The following PRKN variants were observed in gnomAD, a reference collection of about 807,000 sequenced individuals.
PRKN encodes the protein E3 ubiquitin-protein ligase parkin.
Under a neutral mutation model 59.5 loss-of-function variants are expected in PRKN, and 56 were observed. The ratio of observed to expected loss-of-function variants is 0.94; its 90% CI spans 0.76 to 1.18. The LOEUF (loss-of-function observed/expected upper bound fraction) is 1.18. PRKN is among the 50% of genes most tolerant of loss of function. The probability of loss-of-function intolerance (pLI) is 0.00; values close to 1 mark genes in which losing one functional copy is unlikely to be tolerated. For synonymous variants in PRKN, 250 were observed against 222.1 expected (o/e 1.13, Z -1.12); for missense variants, 657 against 596.4 (o/e 1.10, Z -1.06).
chr6:162,559,716 G>A (rs900408785), intron 1 of PRKN, among the ~76,000 whole-genome samples: 2 of 152,160 alleles, frequency 1.3e-5, no homozygotes, highest in Non-Finnish European at 1.5e-5. Flanking sequence ...CTATACATTA[G>A]TAATTACTTT....
intron 2 of PRKN, among the ~76,000 whole-genome samples, chr6:162,388,472 C>T (rs1221326520): frequency 6.6e-6 from 1 of 152,190 alleles, no homozygotes; most frequent in Non-Finnish European, 1.5e-5. Flanking sequence ...ACTACTTCCT[C>T]ACTTAGCACA....
intron 1 of PRKN, among the ~76,000 whole-genome samples, chr6:162,593,152 TA>T (rs1357311512): frequency 6.6e-6 from 1 of 152,114 alleles, no homozygotes; most frequent in African/African-American, 2.4e-5. Context: ...AATTAGGAAG[TA>T]TAAGAGCACA....
In PRKN at chr6:162,262,619, G is replaced by C. The variant is rs1026282132; in HGVS notation, c.318C>G (p.Asp106Glu). Residue 106 changes from aspartate to glutamate, a missense_variant, in exon 3 of 12, where the codon GAC becomes GAG. By Grantham distance (45) the Asp-to-Glu change is conservative (BLOSUM62 2). Transcript: ENST00000366898. ...EREPQSLTRV[D>E]LSSSVLPGDS... ...CTCCTGGGAGGACTGAGCTGCTGAG[G>C]TCCACCCGAGTCAAGCTCTGGGGCT... The C allele has an allele frequency of 6.2e-7, 1 of 1,613,800 alleles. No individual in the cohort carries two copies. The highest frequency in any genetic ancestry group is 8.5e-7 in the Non-Finnish European group (1 of 1,179,972).
At chr6:162,253,230 A>G (rs766683488) in intron 3 of PRKN, among the ~76,000 whole-genome samples, 4 of 152,202 alleles carry the variant, frequency 2.6e-5, no homozygotes, top group Non-Finnish European at 4.4e-5. Context: ...TATGAAAAAT[A>G]GTGGATGGCT....
intron 6 of PRKN, among the ~76,000 whole-genome samples, chr6:161,935,072 A>T (rs1562400676): frequency 6.6e-6 from 1 of 152,102 alleles, no homozygotes; most frequent in Non-Finnish European, 1.5e-5. Context: ...TAAACATTTC[A>T]GAAATTGTAT....
intron 7 of PRKN, among the ~76,000 whole-genome samples, chr6:161,710,641 T>G (rs1325106883): frequency 6.6e-6 from 1 of 152,180 alleles, no homozygotes; most frequent in African/African-American, 2.4e-5. Flanking sequence ...ACTTCTACAC[T>G]TCTAGAGAAC....
At chr6:162,278,387 C>G (rs1780727660) in intron 2 of PRKN, among the ~76,000 whole-genome samples, 1 of 152,046 alleles carries the variant, frequency 6.6e-6, no homozygotes, top group Non-Finnish European at 1.5e-5. Context: ...ATACATTTGT[C>G]CAGACCCACA....
At chr6:161,849,344 G>A (rs756944492) in intron 6 of PRKN, among the ~76,000 whole-genome samples, 5 of 152,064 alleles carry the variant, frequency 3.3e-5, no homozygotes, top group Admixed American at 6.6e-5. Context: ...GTGTTGACAG[G>A]TTTTAAAATG....
chr6:161,823,285 A>G (rs1475713732), intron 6 of PRKN, among the ~76,000 whole-genome samples: 1 of 152,084 alleles, frequency 6.6e-6, no homozygotes, highest in Admixed American at 6.6e-5. Context: ...TGAAATAAAT[A>G]GAATTTCTTC....
intron 2 of PRKN, among the ~76,000 whole-genome samples, chr6:162,318,291 A>C (rs1163259468): frequency 6.6e-6 from 1 of 152,114 alleles, no homozygotes; most frequent in Non-Finnish European, 1.5e-5. Context: ...AAAAATGCCT[A>C]CAGCAGCAAA....
At position 162,413,907 on chromosome 6, in the gene PRKN, C is replaced by T. The variant is rs143055430; in HGVS notation, c.171+29403G>A. ...CTCAAGATTGCAGATACAGGCTGGG[C>T]GCGGTGGCTCACGCCTGTAGTCCCA... On this transcript the variant is annotated intron_variant, in intron 2 of 11. Coordinates refer to ENST00000366898, the MANE Select transcript of PRKN (RefSeq NM_004562.3). Among the ~76,000 whole-genome samples the T allele has an allele frequency of 1.1e-3, 165 of 152,224 alleles. 1 individual carries two copies. The highest frequency in any genetic ancestry group is 3.6e-3 in the African/African-American group (150 of 41,546).
Position 162,647,958 on chromosome 6 carries a change from A to C in PRKN, c.7+79704T>G, listed in dbSNP as rs1021727458. Among the ~76,000 whole-genome samples, 153 of 148,070 alleles carry C rather than the reference A, an allele frequency of 1.0e-3. 3 individuals are homozygous for C. The highest frequency in any genetic ancestry group is 8.3e-3 in the East Asian group (41 of 4,956). The stretch of plus-strand genomic sequence containing the variant: ...CTATATGTCCACAGTGCAAAAAAAA[A>C]AAAAAAAAAAAAAAAAAAAGTCTAC... On this transcript the variant is annotated intron_variant, in intron 1 of 11. Coordinates refer to ENST00000366898, the MANE Select transcript of PRKN (RefSeq NM_004562.3).
intron 1 of PRKN, among the ~76,000 whole-genome samples, chr6:162,478,582 A>G (rs1037380599): frequency 1.3e-5 from 2 of 152,190 alleles, no homozygotes; most frequent in African/African-American, 4.8e-5. Context: ...CCAACCGTGA[A>G]ACCAAGAGAT....
At chr6:162,271,415 A>T (rs1780386872) in intron 2 of PRKN, 1 of 151,978 alleles carries the variant, frequency 6.6e-6, no homozygotes, top group Non-Finnish European at 1.5e-5. Flanking sequence ...TGGTGGCACA[A>T]GCCTGTAATC....
intron 5 of PRKN, among the ~76,000 whole-genome samples, chr6:162,025,003 G>C (rs1467544883): frequency 6.7e-6 from 1 of 149,582 alleles, no homozygotes; most frequent in Non-Finnish European, 1.5e-5. Flanking sequence ...TTGTGTTCAT[G>C]TCCAGATTGT....
At chr6:162,711,964 C>T (rs1266246665) in intron 1 of PRKN, among the ~76,000 whole-genome samples, 3 of 152,208 alleles carry the variant, frequency 2.0e-5, no homozygotes, top group South Asian at 2.1e-4. Flanking sequence ...AGATTCTGGT[C>T]GGGGAAGGCA....
At chr6:161,577,374 T>C (rs2143742) in intron 7 of PRKN, among the ~76,000 whole-genome samples, 3 of 152,004 alleles carry the variant, frequency 2.0e-5, no homozygotes, top group African/African-American at 7.2e-5. Flanking sequence ...ATAATAAAAA[T>C]CTCTAGATGA....
At chr6:162,676,692 A>T (rs2849533) in intron 1 of PRKN, among the ~76,000 whole-genome samples, 4 of 152,164 alleles carry the variant, frequency 2.6e-5, no homozygotes, top group Non-Finnish European at 4.4e-5. Flanking sequence ...AGTTACTGAC[A>T]ACAGAATGTG....
chr6:161,616,464 AG>A (rs1782698814), intron 7 of PRKN, among the ~76,000 whole-genome samples: 1 of 150,894 alleles, frequency 6.6e-6, no homozygotes, highest in African/African-American at 2.4e-5. Flanking sequence ...CAGAACATGC[AG>A]GTTCGTTACA....
Sources: gnomAD v4.1 joint callset for allele counts (sites outside exome capture counted in the v4.1 genomes callset) on GRCh38, gnomAD v4.1.1 for gene constraint, MANE v1.5 for transcripts, NCBI Gene and HGNC (gene_info 2026-07-23, HGNC 2026-07-21) for gene names.